ANKFN1: variants seen among roughly 807,000 people sequenced by gnomAD.
The protein encoded by ANKFN1 is ankyrin repeat and fibronectin type-III domain-containing protein 1.
Under a neutral mutation model 108.7 loss-of-function variants are expected in ANKFN1, and 74 were observed. That is an observed-to-expected ratio of 0.68 (90% confidence interval 0.56 to 0.83). The LOEUF (loss-of-function observed/expected upper bound fraction) is 0.83. Ranked by LOEUF, ANKFN1 falls within the 40% of genes least tolerant of loss-of-function variation. ANKFN1 has a pLI of 0.00. For synonymous variants in ANKFN1, 547 were observed against 516.2 expected (o/e 1.06, Z -0.81); for missense variants, 1,505 against 1,382.3 (o/e 1.09, Z -1.41).
At chr17:56,367,966 T>C (rs2046703426) in intron 6 of ANKFN1, 1 of 214,778 alleles carries the variant, frequency 4.7e-6, no homozygotes, top group East Asian at 9.6e-5. Context: ...ACCGAGTTCT[T>C]TAAGGTTTAG....
rs1476454178 is a variant in ANKFN1, at chr17:56,467,765, AAG to A, written c.1773+1196_1773+1197del. 3.8e-3 allele frequency among the ~76,000 whole-genome samples: 134 copies of A among 35,024 alleles called. 4 individuals are homozygous for A. The East Asian group carries it at 0.15, about 39-fold the overall frequency. The allele number at this position is 35,024 out of a possible 152,430, so 23.0% of individuals were successfully genotyped here. ...AAACAAAGAAAGAAAGAAAGAAAGA[AAG>A]AAAGAAAGAAAGAAAGAAAGAAAGA... On this transcript the variant is annotated intron_variant, in intron 15 of 20. Transcript: ENST00000682825.
chr17:56,429,008 A>C (rs2048667825), intron 8 of ANKFN1, among the ~76,000 whole-genome samples: 1 of 152,176 alleles, frequency 6.6e-6, no homozygotes, highest in Admixed American at 6.5e-5. Flanking sequence ...CAGAGTCTGC[A>C]CTGAAGAAGT....
At chr17:56,403,728 C>T (rs1250339914) in intron 8 of ANKFN1, among the ~76,000 whole-genome samples, 1 of 151,672 alleles carries the variant, frequency 6.6e-6, no homozygotes, top group African/African-American at 2.4e-5. Context: ...TTGTTTTTTT[C>T]TTTTTAACTT....
intron 4 of ANKFN1, among the ~76,000 whole-genome samples, chr17:56,335,960 T>A (rs1284016173): frequency 6.6e-6 from 1 of 152,240 alleles, no homozygotes; most frequent in Admixed American, 6.5e-5. Flanking sequence ...CTTTTCTGCA[T>A]CTTTGAGATA....
intron 1 of ANKFN1, among the ~76,000 whole-genome samples, chr17:56,183,140 A>G (rs1031409558): frequency 6.6e-6 from 1 of 152,204 alleles, no homozygotes. Flanking sequence ...CTGCTAACAC[A>G]GCATCCATTC....
chr17:56,374,620 C>G lies in ANKFN1; in HGVS notation c.816C>G (p.Thr272=), dbSNP rs1187581023. The stretch of plus-strand genomic sequence containing the variant: ...TCCCAGGAGCCCCTGAGATGCCAAC[C>G]AATGTCTGTCTCATGGTAACCAGCA... ...FEHARAPEMP[T]NVCLMVTSST... is the part of the protein sequence containing the mutation. The change falls in exon 8 of 21, where the codon ACC becomes ACG. Residue 272 remains threonine, a synonymous_variant. Transcript: ENST00000682825. 1 of 1,613,716 alleles carries G rather than the reference C, an allele frequency of 6.2e-7. No individual in the cohort carries two copies.
At chr17:56,412,493 G>C (rs1268734166) in intron 8 of ANKFN1, among the ~76,000 whole-genome samples, 2 of 152,320 alleles carry the variant, frequency 1.3e-5, no homozygotes, top group Admixed American at 6.5e-5. Context: ...CCCTCACTCT[G>C]TGTGGGTACC....
At chr17:56,052,526 G>T (rs146076235) in intron 4 of ANKFN1, among the ~76,000 whole-genome samples, 2 of 152,296 alleles carry the variant, frequency 1.3e-5, no homozygotes, top group African/African-American at 4.8e-5. Context: ...CTTTCTAAAT[G>T]ATAACACTTC....
chr17:56,388,131 T>TC (rs1202562867), intron 8 of ANKFN1, among the ~76,000 whole-genome samples: 2 of 152,108 alleles, frequency 1.3e-5, no homozygotes, highest in Non-Finnish European at 2.9e-5. Flanking sequence ...TTTCTTTTTT[T>TC]CTTTTTCTTT....
In ANKFN1 at chr17:56,515,515, C is replaced by T. The variant is rs917201876; in HGVS notation, c.*4246C>T. ...GCAAGGAAAAAAACTGTTTTCTTTG[C>T]TGGTCACCTCTCATAAGATGTTCAA... On this transcript the variant is annotated 3_prime_UTR_variant, in exon 21 of 21. Coordinates refer to ENST00000682825, the MANE Select transcript of ANKFN1 (RefSeq NM_001370326.1). Among the ~76,000 whole-genome samples the T allele has an allele frequency of 3.9e-5, 6 of 152,194 alleles. No individual in the cohort carries two copies. Among genetic ancestry groups the T allele is most frequent in the African/African-American group, 1.4e-4 (6 of 41,438 alleles).
chr17:56,064,733 C>G (rs144166426), intron 4 of ANKFN1, among the ~76,000 whole-genome samples: 1 of 152,222 alleles, frequency 6.6e-6, no homozygotes, highest in Non-Finnish European at 1.5e-5. Context: ...AGCAGGCAGC[C>G]GCAGCTGTGG....
At chr17:56,133,528 CTGTGTGTGTG>C (rs10598270) in intron 4 of ANKFN1, among the ~76,000 whole-genome samples, 13,528 of 146,332 alleles carry the variant, frequency 0.092, 827 homozygotes, top group East Asian at 0.25. Context: ...ATGTGTATAC[CTGTGTGTGTG>C]TGTGTGTGTG....
chr17:56,510,739 C>T lies in ANKFN1; in HGVS notation c.2911C>T (p.His971Tyr), dbSNP rs769658255. The change falls in exon 21 of 21, where the codon CAT becomes TAT. Residue 971 changes from histidine to tyrosine, a missense_variant. Coordinates refer to ENST00000682825, the MANE Select transcript of ANKFN1 (RefSeq NM_001370326.1). ...CGATCACTCATGTGCCGAGTTTCTC[C>T]ATAGCCTGACCCTCACGGGGTTCAC... is the stretch of plus-strand genomic sequence containing the variant. ...NPDHSCAEFLHSLTLTGFTPK... is the reference protein window; with the variant it reads ...NPDHSCAEFLYSLTLTGFTPK... 4.1e-5 allele frequency: 63 copies of T among 1,536,050 alleles called. No individual in the cohort carries two copies. The highest frequency in any genetic ancestry group is 5.2e-5 in the Non-Finnish European group (60 of 1,146,926).
intron 4 of ANKFN1, among the ~76,000 whole-genome samples, chr17:56,143,964 C>A (rs936259745): frequency 6.6e-6 from 1 of 152,074 alleles, no homozygotes; most frequent in African/African-American, 2.4e-5. Flanking sequence ...TAAGTGGAGG[C>A]TTTTTCAAGC....
chr17:56,280,460 C>A (rs1282034446), intron 3 of ANKFN1, among the ~76,000 whole-genome samples: 3 of 152,144 alleles, frequency 2.0e-5, no homozygotes, highest in Admixed American at 2.0e-4. Flanking sequence ...AATGACCCTG[C>A]TCTTTCCTCC....
intron 1 of ANKFN1, among the ~76,000 whole-genome samples, chr17:56,193,359 A>G (rs1001100746): frequency 1.0e-4 from 15 of 150,486 alleles, no homozygotes; most frequent in Non-Finnish European, 2.2e-4. Flanking sequence ...ATATGTAACT[A>G]ACCTGCACAA....
At chr17:56,069,850 T>C (rs151203410) in intron 4 of ANKFN1, among the ~76,000 whole-genome samples, 266 of 152,360 alleles carry the variant, frequency 1.7e-3, no homozygotes, top group African/African-American at 6.2e-3. Flanking sequence ...CTAGGGCTGC[T>C]GGTTGGTCAT....
chr17:56,120,931 A>G (rs1230555340), intron 4 of ANKFN1, among the ~76,000 whole-genome samples: 1 of 152,168 alleles, frequency 6.6e-6, no homozygotes, highest in East Asian at 1.9e-4. Flanking sequence ...CCATTTAGTC[A>G]TCATTACTCA....
intron 4 of ANKFN1, among the ~76,000 whole-genome samples, chr17:56,116,673 C>T (rs540096472): frequency 2.0e-5 from 3 of 152,228 alleles, no homozygotes; most frequent in African/African-American, 2.4e-5. Flanking sequence ...CAGCTGTTGG[C>T]GCCATGCTTC....
Sources: gnomAD v4.1 joint callset for allele counts (sites outside exome capture counted in the v4.1 genomes callset) on GRCh38, gnomAD v4.1.1 for gene constraint, MANE v1.5 for transcripts, NCBI Gene and HGNC (gene_info 2026-07-23, HGNC 2026-07-21) for gene names.